The following ANAPC5 variants were observed in gnomAD, a reference collection of about 807,000 sequenced individuals.
ANAPC5 encodes the protein anaphase-promoting complex subunit 5.
ANAPC5 carries 60 observed loss-of-function variants against 91.3 expected under a neutral mutation model. The ratio of observed to expected loss-of-function variants is 0.66; its 90% CI spans 0.53 to 0.81. The LOEUF is 0.81. Ranked by LOEUF, ANAPC5 falls within the 40% of genes least tolerant of loss-of-function variation. ANAPC5 has a pLI of 0.00. For missense variants in ANAPC5, 690 were observed against 931.5 expected, an observed-to-expected ratio of 0.74 and a Z score of 3.37; for synonymous variants, 340 against 364.1, an observed-to-expected ratio of 0.93 and a Z score of 0.75.
chr12:121,318,062 G>T, intron 15 of ANAPC5: 1 of 418,912 alleles, frequency 2.4e-6, no homozygotes, highest in Non-Finnish European at 4.1e-6. Flanking sequence ...TGAATACACA[G>T]CTCAGGAAAG....
chr12:121,352,650 T>C (rs1350294866), upstream of ANAPC5, among the ~76,000 whole-genome samples: 1 of 125,884 alleles, frequency 7.9e-6, no homozygotes, highest in Non-Finnish European at 1.7e-5. Flanking sequence ...GGGAAGTCGA[T>C]GCTTGGGGTC....
At position 121,318,289 on chromosome 12, in the gene ANAPC5, C is replaced by T. The variant is rs773018580; in HGVS notation, c.1881G>A (p.Leu627=). ...GAGATCGGCTTACCTGCGCAAAAGCCAAGTTCAGCACTGTTTCAGAGGCCA... is the reference window on the plus strand; with the variant it reads ...GAGATCGGCTTACCTGCGCAAAAGCTAAGTTCAGCACTGTTTCAGAGGCCA... The part of the protein sequence containing the change: ...QYLASETVLN[L]AFAQLILGIP... The change falls in exon 15 of 17, where the codon TTG becomes TTA. Residue 627 remains leucine, a synonymous_variant. Transcript: ENST00000261819. 3 of 1,534,744 alleles carry T rather than the reference C, an allele frequency of 2.0e-6. No individual in the cohort carries two copies. The highest frequency in any genetic ancestry group is 2.6e-6 in the Non-Finnish European group (3 of 1,142,284).
chr12:121,316,741 A>G (rs1003072428), intron 15 of ANAPC5, among the ~76,000 whole-genome samples: 24 of 150,532 alleles, frequency 1.6e-4, no homozygotes, highest in Admixed American at 6.6e-5. Context: ...TCAAAAAAAA[A>G]AAAAAAAAAA....
At chr12:121,345,486 A>G (rs1319600890) in intron 4 of ANAPC5, among the ~76,000 whole-genome samples, 1 of 152,172 alleles carries the variant, frequency 6.6e-6, no homozygotes, top group Non-Finnish European at 1.5e-5. Context: ...TGGGGCCTGC[A>G]AACACTTGCT....
chr12:121,318,462 A>G (rs1902460005), intron 14 of ANAPC5, 38 bp from the exon 15 acceptor site: 3 of 1,611,646 alleles, frequency 1.9e-6, no homozygotes, highest in Non-Finnish European at 2.5e-6. Flanking sequence ...GAGAAGATCC[A>G]CCACCACATC....
At chr12:121,337,203 T>C (rs1903270249) in intron 6 of ANAPC5, 88 bp downstream of exon 6, 1 of 1,074,222 alleles carries the variant, frequency 9.3e-7, no homozygotes, top group African/African-American at 1.6e-5. Flanking sequence ...GGCAACAGAG[T>C]AAGACTCTGT....
chr12:121,322,931 A>C (rs1277706983), intron 11 of ANAPC5, among the ~76,000 whole-genome samples: 1 of 152,156 alleles, frequency 6.6e-6, no homozygotes, highest in Non-Finnish European at 1.5e-5. Flanking sequence ...AGGCAAAGGC[A>C]GGAGAATCGC....
At chr12:121,352,744 T>TGTC (rs1566202484), upstream of ANAPC5, among the ~76,000 whole-genome samples, 1 of 28,940 alleles carries the variant, frequency 3.5e-5, no homozygotes, top group African/African-American at 5.2e-5. Context: ...TGGTTGTCGT[T>TGTC]GTTGTTGTTT....
Position 121,345,855 on chromosome 12 carries a change from GTTC to G in ANAPC5, c.571_573del (p.Glu191del). On this transcript the variant is annotated inframe_deletion, in exon 4 of 17. Coordinates refer to ENST00000261819, the MANE Select transcript of ANAPC5 (RefSeq NM_016237.5). Reference sequence around the variant, plus strand: ...CCAAATTACCTTACAGATACATCAAGTTCTTCTTTTTCCATTTTTCTTTCACCC... The same window carrying G: ...CCAAATTACCTTACAGATACATCAAGTTCTTTTTCCATTTTTCTTTCACCC... 1 of 1,613,316 alleles carries G rather than the reference GTTC, an allele frequency of 6.2e-7. No homozygotes were observed. Among genetic ancestry groups the G allele is most frequent in the Non-Finnish European group, 8.5e-7 (1 of 1,179,810 alleles).
intron 7 of ANAPC5, chr12:121,332,556 CT>C (rs1174210576): frequency 1.4e-5 from 2 of 146,960 alleles, no homozygotes; most frequent in African/African-American, 2.5e-5. Context: ...CCTATTTCCC[CT>C]GATATAAGCT....
At chr12:121,331,158 C>T in intron 8 of ANAPC5, 189 bp downstream of exon 8, 1 of 523,208 alleles carries the variant, frequency 1.9e-6, no homozygotes, top group East Asian at 3.0e-5. Context: ...AAAAGCAAAA[C>T]AGATGTCATG....
Position 121,327,111 on chromosome 12 carries a change from C to T in ANAPC5, c.1425G>A (p.Glu475=). The T allele has an allele frequency of 1.9e-6, 3 of 1,606,994 alleles. No individual in the cohort carries two copies. The highest frequency in any genetic ancestry group is 2.5e-6 in the Non-Finnish European group (3 of 1,177,758). The change falls in exon 11 of 17, where the codon GAG becomes GAA. Residue 475 remains glutamate (E), a synonymous_variant. Transcript: ENST00000261819. ...ACCTGCCTACCTGCTCCGCGTGTAG[C>T]TCTGCGAGGTGGCAGAGTGCGACAG... The part of the protein sequence containing the change: ...SFAVALCHLA[E]LHAEQGCFAA...
chr12:121,330,640 G>A lies in ANAPC5; in HGVS notation c.1065C>T (p.Ser355=), dbSNP rs149057486. Residue 355 remains serine (S), a synonymous_variant, in exon 9 of 17, where the codon TCC becomes TCT. Coordinates refer to ENST00000261819, the MANE Select transcript of ANAPC5 (RefSeq NM_016237.5). Reference sequence around the variant, plus strand: ...AATGCTCCAGCAGAACATAGCTATCGGATCTCTTCTGCCCCAGCACATAAA... The same window carrying A: ...AATGCTCCAGCAGAACATAGCTATCAGATCTCTTCTGCCCCAGCACATAAA... ...SWLYVLGQKR[S]DSYVLLEHSV... 37 of 1,613,938 alleles carry A rather than the reference G, an allele frequency of 2.3e-5. No homozygotes were observed. Among genetic ancestry groups the A allele is most frequent in the African/African-American group, 1.6e-4 (12 of 74,904 alleles).
chr12:121,318,262 C>T lies in ANAPC5; in HGVS notation c.1893+15G>A. On this transcript the variant is annotated intron_variant, in intron 15 of 16. Coordinates refer to ENST00000261819, the MANE Select transcript of ANAPC5 (RefSeq NM_016237.5). Reference sequence around the variant, plus strand: ...TGAGCACAAATATGTGCTATAAAAACAGAGATCGGCTTACCTGCGCAAAAG... The same window carrying T: ...TGAGCACAAATATGTGCTATAAAAATAGAGATCGGCTTACCTGCGCAAAAG... 6.6e-7 allele frequency: 1 copy of T among 1,508,450 alleles called. No individual in the cohort carries two copies. The highest frequency in any genetic ancestry group is 8.9e-7 in the Non-Finnish European group (1 of 1,128,408). 93.4% of individuals were successfully genotyped at this position (1,508,450 alleles called of 1,614,324 possible).
intron 5 of ANAPC5, among the ~76,000 whole-genome samples, chr12:121,337,764 C>G (rs1257874189): frequency 6.6e-6 from 1 of 152,112 alleles, no homozygotes; most frequent in Non-Finnish European, 1.5e-5. Context: ...CCCCTCCATG[C>G]TCCCATAAGC....
chr12:121,329,867 G>C (rs547074940), intron 9 of ANAPC5, among the ~76,000 whole-genome samples: 1 of 151,828 alleles, frequency 6.6e-6, no homozygotes, highest in African/African-American at 2.4e-5. Flanking sequence ...CACCCACCCC[G>C]GCCTCCCAAA....
intron 11 of ANAPC5, among the ~76,000 whole-genome samples, chr12:121,324,352 C>T (rs1162218113): frequency 3.3e-5 from 5 of 151,568 alleles, no homozygotes; most frequent in Non-Finnish European, 5.9e-5. Context: ...GGGTAAAGGA[C>T]TGACTTAAAA....
chr12:121,346,120 T>C, intron 3 of ANAPC5, 89 bp from the exon 4 acceptor site: 1 of 1,059,788 alleles, frequency 9.4e-7, no homozygotes, highest in African/African-American at 1.6e-5. Context: ...GACTGTCTGC[T>C]GGAATTCTTC....
chr12:121,343,901 G>A (rs1903557091), intron 4 of ANAPC5, among the ~76,000 whole-genome samples: 1 of 152,146 alleles, frequency 6.6e-6, no homozygotes, highest in African/African-American at 2.4e-5. Context: ...CCAGATCACA[G>A]GCTCTTTGAC....
Sources: gnomAD v4.1 joint callset for allele counts (sites outside exome capture counted in the v4.1 genomes callset) on GRCh38, gnomAD v4.1.1 for gene constraint, MANE v1.5 for transcripts, NCBI Gene and HGNC (gene_info 2026-07-23, HGNC 2026-07-21) for gene names.